SOX5: variants seen among roughly 807,000 people sequenced by gnomAD.
The protein encoded by SOX5 is transcription factor SOX-5.
SOX5 carries 9 observed loss-of-function variants against 92.0 expected under a neutral mutation model. The ratio of observed to expected loss-of-function variants is 0.10; its 90% confidence interval spans 0.06 to 0.17. The LOEUF (loss-of-function observed/expected upper bound fraction) is 0.17, where lower values mean the gene tolerates loss of function less well. Among genes scored for constraint, SOX5 ranks in the 10% least tolerant of loss-of-function variants. The probability of loss-of-function intolerance (pLI) is 1.00; values close to 1 mark genes in which losing one functional copy is unlikely to be tolerated. For synonymous variants in SOX5, 344 were observed against 336.3 expected (o/e 1.02, Z -0.25); for missense variants, 642 against 944.5 (o/e 0.68, Z 4.20).
chr12:23,661,026 T>C (rs1047889596), intron 7 of SOX5, among the ~76,000 whole-genome samples: 2 of 152,222 alleles, frequency 1.3e-5, no homozygotes, highest in Admixed American at 1.3e-4. Context: ...ATGTTCTTGG[T>C]AAATATTCTC....
intron 1 of SOX5, among the ~76,000 whole-genome samples, chr12:24,508,981 C>T (rs1949056592): frequency 6.6e-6 from 1 of 152,136 alleles, no homozygotes; most frequent in South Asian, 2.1e-4. Flanking sequence ...TCGGAAATTG[C>T]CCATTCATTG....
At chr12:23,879,001 A>T (rs2096958666) in intron 2 of SOX5, among the ~76,000 whole-genome samples, 1 of 152,110 alleles carries the variant, frequency 6.6e-6, no homozygotes, top group African/African-American at 2.4e-5. Context: ...ATTTTTTGAC[A>T]TGTTGCTGCT....
intron 4 of SOX5, among the ~76,000 whole-genome samples, chr12:24,087,471 C>G (rs889191074): frequency 1.3e-5 from 2 of 152,050 alleles, no homozygotes; most frequent in African/African-American, 4.8e-5. Flanking sequence ...CAATAGGGTG[C>G]TTTGCCTACA....
At position 24,191,684 on chromosome 12, in the gene SOX5, T is replaced by C. The variant is rs182005908; in HGVS notation, c.-2+21659A>G. On this transcript the variant is annotated intron_variant, in intron 4 of 4. Coordinates refer to the SOX5 transcript ENST00000446891. ...CCAATTCTCAATGACCAGCCTTCCA[T>C]TGTCCCAGTGACAACTGGGCCCTGA... Among the ~76,000 whole-genome samples, 42 of 152,340 alleles carry C rather than the reference T, an allele frequency of 2.8e-4. No individual in the cohort carries two copies. The East Asian group carries it at 7.5e-3, about 27-fold the overall frequency.
rs144683438 is a variant in SOX5 at position 24,204,307 on chromosome 12, C to A, written c.-2+9036G>T. Among the ~76,000 whole-genome samples, 163 of 149,552 alleles carry A rather than the reference C, an allele frequency of 1.1e-3. 2 individuals carry two copies. The highest frequency in any genetic ancestry group is 3.8e-3 in the African/African-American group (157 of 41,006). ...ATCTTGGGTATATAGTTTTATTTTT[C>A]CATTATTATTATTATTATTAATTAT... On this transcript the variant is annotated intron_variant, in intron 4 of 4. Transcript: ENST00000446891.
intron 9 of SOX5, among the ~76,000 whole-genome samples, chr12:23,596,427 G>A (rs548651448): frequency 4.6e-5 from 7 of 152,198 alleles, no homozygotes; most frequent in Admixed American, 2.6e-4. Flanking sequence ...AAGAGAGACC[G>A]CTAAAATTCT....
chr12:24,346,794 C>G (rs1037300912), intron 2 of SOX5, among the ~76,000 whole-genome samples: 3 of 151,706 alleles, frequency 2.0e-5, no homozygotes, highest in Non-Finnish European at 4.4e-5. Flanking sequence ...TGGTGTACAC[C>G]GCATGTTCTC....
At chr12:24,015,518 C>T (rs919198102) in intron 4 of SOX5, among the ~76,000 whole-genome samples, 1 of 152,076 alleles carries the variant, frequency 6.6e-6, no homozygotes, top group African/African-American at 2.4e-5. Context: ...GCCTCTTGTT[C>T]CCCCAATCAA....
chr12:23,802,634 A>T (rs1049763128), intron 3 of SOX5, among the ~76,000 whole-genome samples: 6 of 152,162 alleles, frequency 3.9e-5, no homozygotes, highest in African/African-American at 1.4e-4. Context: ...AAAAAAATCT[A>T]CCTTAACCTT....
chr12:23,804,915 TTATATA>T lies in SOX5; in HGVS notation c.481+41062_481+41067del, dbSNP rs528741802. On this transcript the variant is annotated intron_variant, in intron 3 of 14. Coordinates refer to ENST00000451604, the MANE Select transcript of SOX5 (RefSeq NM_006940.6). ...TTTTCTCTATTTACCTATCATTGTT[TTATATA>T]TATATATATATATATATATATATAT... 9.0e-3 allele frequency among the ~76,000 whole-genome samples: 671 copies of T among 74,846 alleles called. 9 individuals are homozygous for T. The highest frequency in any genetic ancestry group is 0.012 in the African/African-American group (227 of 19,432). 49.1% of individuals were successfully genotyped at this position (74,846 alleles called of 152,430 possible).
At chr12:24,494,546 T>G (rs976936232) in intron 1 of SOX5, among the ~76,000 whole-genome samples, 1 of 152,178 alleles carries the variant, frequency 6.6e-6, no homozygotes, top group African/African-American at 2.4e-5. Context: ...AGTCACACCA[T>G]AAGTGACTGA....
rs146890125 is a variant in SOX5, at chr12:23,785,058, G to A, written c.482-29334C>T. On this transcript the variant is annotated intron_variant, in intron 3 of 14. Transcript: ENST00000451604. ...GATTGTGCCACTGCACTCTAGCCTG[G>A]GTGACACAGGGAGATTCTGTCTCAA... is the stretch of plus-strand genomic sequence containing the variant. Among the ~76,000 whole-genome samples the A allele has an allele frequency of 2.8e-3, 423 of 152,196 alleles. 4 individuals are homozygous for A. The highest frequency in any genetic ancestry group is 9.8e-3 in the African/African-American group (406 of 41,522).
intron 3 of SOX5, among the ~76,000 whole-genome samples, chr12:23,769,232 C>A (rs2094841827): frequency 6.6e-6 from 1 of 152,040 alleles, no homozygotes. Flanking sequence ...AAACCTAGCA[C>A]CTTTAAAAAG....
At chr12:24,426,111 G>A (rs1966720788) in intron 1 of SOX5, among the ~76,000 whole-genome samples, 1 of 152,148 alleles carries the variant, frequency 6.6e-6, no homozygotes, top group South Asian at 2.1e-4. Flanking sequence ...AAGGCGGGTG[G>A]ATCACTTGAG....
intron 7 of SOX5, among the ~76,000 whole-genome samples, chr12:23,654,263 C>T (rs1310598668): frequency 2.6e-5 from 4 of 152,016 alleles, no homozygotes; most frequent in Admixed American, 2.6e-4. Context: ...TTTCATATAA[C>T]AATAATTCTT....
At chr12:24,083,968 C>G (rs909513065) in intron 4 of SOX5, among the ~76,000 whole-genome samples, 2 of 152,018 alleles carry the variant, frequency 1.3e-5, no homozygotes, top group African/African-American at 2.4e-5. Context: ...AAAACAAATT[C>G]CAAGGCTTCT....
intron 1 of SOX5, among the ~76,000 whole-genome samples, chr12:24,458,134 G>T (rs1943219878): frequency 6.6e-6 from 1 of 152,102 alleles, no homozygotes; most frequent in African/African-American, 2.4e-5. Context: ...GATTCAGCAA[G>T]CCTGGGATGG....
At chr12:24,016,235 A>C (rs1953583020) in intron 4 of SOX5, among the ~76,000 whole-genome samples, 1 of 152,196 alleles carries the variant, frequency 6.6e-6, no homozygotes, top group South Asian at 2.1e-4. Context: ...GAAACATGGA[A>C]TCCAAATAAT....
intron 1 of SOX5, among the ~76,000 whole-genome samples, chr12:23,902,682 C>A (rs1365723909): frequency 6.6e-6 from 1 of 151,932 alleles, no homozygotes; most frequent in African/African-American, 2.4e-5. Flanking sequence ...TATCATGTAG[C>A]GTGTCTTTCA....
Sources: allele counts gnomAD v4.1 joint callset (sites outside exome capture counted in the v4.1 genomes callset), GRCh38; gene constraint gnomAD v4.1.1; transcripts MANE v1.5; gene names NCBI Gene and HGNC (gene_info 2026-07-23, HGNC 2026-07-21).